Variants in ASCC3 observed in about 807,000 individuals in gnomAD.
ASCC3 encodes the protein activating signal cointegrator 1 complex subunit 3, also known as ASC-1 complex subunit P200.
In ASCC3, 158 loss-of-function variants were observed where a neutral mutation model predicts 256.3. The observed-to-expected ratio is 0.62, with a 90% CI of 0.54 to 0.70. The LOEUF (loss-of-function observed/expected upper bound fraction) is 0.70, where lower values mean the gene tolerates loss of function less well. Ranked by LOEUF, ASCC3 falls within the 30% of genes least tolerant of loss-of-function variation. The probability of loss-of-function intolerance (pLI) is 0.00; values close to 1 mark genes in which losing one functional copy is unlikely to be tolerated. For synonymous variants in ASCC3, 948 were observed against 883.4 expected, an observed-to-expected ratio of 1.07 and a Z score of -1.30; for missense variants, 2,259 against 2,626.0, an observed-to-expected ratio of 0.86 and a Z score of 3.05.
At chr6:100,637,110 G>A (rs1018664810) in intron 25 of ASCC3, among the ~76,000 whole-genome samples, 1 of 152,178 alleles carries the variant, frequency 6.6e-6, no homozygotes, top group East Asian at 1.9e-4. Flanking sequence ...GAGAGGAGAA[G>A]TCAATGCCTG....
At chr6:100,878,475 T>TA (rs545245980) in intron 1 of ASCC3, among the ~76,000 whole-genome samples, 14 of 150,844 alleles carry the variant, frequency 9.3e-5, no homozygotes, top group East Asian at 1.9e-4. Flanking sequence ...GGAAAACAAA[T>TA]AAAAAAAAAT....
chr6:100,847,775 T>A (rs546000027), intron 4 of ASCC3, among the ~76,000 whole-genome samples: 1 of 152,306 alleles, frequency 6.6e-6, no homozygotes, highest in South Asian at 2.1e-4. Context: ...AAGAACAAAC[T>A]GATTTCAAAG....
chr6:100,632,239 A>C (rs951660230), intron 25 of ASCC3, among the ~76,000 whole-genome samples: 1 of 151,618 alleles, frequency 6.6e-6, no homozygotes, highest in Non-Finnish European at 1.5e-5. Context: ...CAGAAAGAAT[A>C]AAGTACTTAG....
At chr6:100,681,744 A>G (rs1196322067) in intron 13 of ASCC3, among the ~76,000 whole-genome samples, 1 of 150,956 alleles carries the variant, frequency 6.6e-6, no homozygotes, top group Non-Finnish European at 1.5e-5. Flanking sequence ...AAAAAAAAAA[A>G]AAAGAAAAGA....
chr6:100,758,113 G>C (rs955409439), intron 10 of ASCC3, among the ~76,000 whole-genome samples: 3 of 152,058 alleles, frequency 2.0e-5, no homozygotes, highest in Non-Finnish European at 2.9e-5. Flanking sequence ...AAAAAGTCCA[G>C]GATGCAACTG....
rs75680076 is a variant in ASCC3 at position 100,868,215 on chromosome 6, A to C, written c.-41-177T>G. Reference sequence around the variant, plus strand: ...TCCATGAAGTTTTTTTGTTTTTAAAAAGCATTAGCTATGGTTGGAGAAAGG... The same window carrying C: ...TCCATGAAGTTTTTTTGTTTTTAAACAGCATTAGCTATGGTTGGAGAAAGG... On this transcript the variant is annotated intron_variant, in intron 1 of 41. Transcript: ENST00000369162. Among the ~76,000 whole-genome samples the C allele has an allele frequency of 7.9e-3, 1,209 of 152,328 alleles. 14 individuals are homozygous for C. The highest frequency in any genetic ancestry group is 0.028 in the African/African-American group (1,153 of 41,574).
rs1380220794 is a variant in ASCC3 at position 100,512,846 on chromosome 6, C to G, written c.6148G>C (p.Val2050Leu). 1.2e-6 allele frequency: 2 copies of G among 1,614,076 alleles called. No homozygotes were observed. The highest frequency in any genetic ancestry group is 4.5e-5 in the East Asian group (2 of 44,872). The change falls in exon 40 of 42, where the codon GTT (valine) becomes CTT (leucine). Residue 2050 changes from valine (V) to leucine (L), a missense_variant. Transcript: ENST00000369162. ...ISVKGSWDDL[V>L]EGHNELSVST... ...ACAGAGAGTTCATTATGTCCTTCAA[C>G]TAAGTCATCCCACGAGCCTTTAACA...
At chr6:100,840,454 A>G (rs1255599120) in intron 4 of ASCC3, among the ~76,000 whole-genome samples, 1 of 147,958 alleles carries the variant, frequency 6.8e-6, no homozygotes, top group African/African-American at 2.5e-5. Context: ...CAGCCTCCCA[A>G]GTAGCTGGGA....
At chr6:100,719,040 A>C (rs1779205908) in intron 11 of ASCC3, among the ~76,000 whole-genome samples, 1 of 152,108 alleles carries the variant, frequency 6.6e-6, no homozygotes, top group African/African-American at 2.4e-5. Context: ...AATAATATTA[A>C]TACTTTCAGA....
chr6:100,527,994 C>T (rs367905502), intron 37 of ASCC3, among the ~76,000 whole-genome samples: 1 of 151,788 alleles, frequency 6.6e-6, no homozygotes, highest in Non-Finnish European at 1.5e-5. Flanking sequence ...TGCCACCATG[C>T]CCAGCTAATT....
intron 3 of ASCC3, among the ~76,000 whole-genome samples, chr6:100,851,869 A>G (rs1772686434): frequency 6.6e-6 from 1 of 152,206 alleles, no homozygotes; most frequent in East Asian, 1.9e-4. Flanking sequence ...TCAGGGCGCT[A>G]AAACATCAGA....
chr6:100,682,866 T>A (rs1777378066), intron 13 of ASCC3, among the ~76,000 whole-genome samples: 1 of 152,190 alleles, frequency 6.6e-6, no homozygotes, highest in Non-Finnish European at 1.5e-5. Flanking sequence ...ACCTAGGGAC[T>A]ATTACATCTG....
chr6:100,616,782 ATTC>A (rs1207958869), intron 30 of ASCC3, among the ~76,000 whole-genome samples: 1 of 152,178 alleles, frequency 6.6e-6, no homozygotes, highest in East Asian at 1.9e-4. Flanking sequence ...TTGTTGTTGT[ATTC>A]TTCTTTTAGC....
Position 100,864,123 on chromosome 6 carries a change from C to G in ASCC3, c.182G>C (p.Ser61Thr), listed in dbSNP as rs370433063. The G allele has an allele frequency of 1.2e-6, 2 of 1,603,854 alleles. No individual in the cohort carries two copies. The highest frequency in any genetic ancestry group is 2.7e-5 in the African/African-American group (2 of 74,664). ...IKFLNEKLEK[S>T]KMQSINEDLK... is the part of the protein sequence containing the mutation. Reference sequence around the variant, plus strand: ...GTCTTCATTTATACTTTGCATTTTACTCTTCTCCAGTTTTTCATTCAAAAA... The same window carrying G: ...GTCTTCATTTATACTTTGCATTTTAGTCTTCTCCAGTTTTTCATTCAAAAA... The change falls in exon 3 of 42, where the codon AGT becomes ACT. Residue 61 changes from serine to threonine, a missense_variant. By Grantham distance (58) the Ser-to-Thr change is moderately conservative (BLOSUM62 1). Transcript: ENST00000369162.
intron 34 of ASCC3, among the ~76,000 whole-genome samples, chr6:100,590,486 CAG>C (rs1201150535): frequency 6.6e-6 from 1 of 152,108 alleles, no homozygotes; most frequent in Non-Finnish European, 1.5e-5. Flanking sequence ...TGCCTGGAAA[CAG>C]ATCCGAAGAG....
chr6:100,736,726 T>G (rs1780186974), intron 10 of ASCC3, among the ~76,000 whole-genome samples: 1 of 152,186 alleles, frequency 6.6e-6, no homozygotes, highest in Admixed American at 6.6e-5. Flanking sequence ...CAGATATCAT[T>G]TCCCTGAGAA....
chr6:100,652,960 T>A, intron 17 of ASCC3, 71 bp from the exon 18 acceptor site: 1 of 1,435,332 alleles, frequency 7.0e-7, no homozygotes, highest in African/African-American at 1.4e-5. Flanking sequence ...TATATTTATT[T>A]ATGGAAATTA....
intron 3 of ASCC3, chr6:100,858,735 T>G: frequency 1.1e-3 from 1,015 of 904,532 alleles, no homozygotes; most frequent in Non-Finnish European, 1.3e-3. Flanking sequence ...TATACTGCAG[T>G]ATGCTTCTCC....
intron 3 of ASCC3, among the ~76,000 whole-genome samples, chr6:100,849,035 G>A (rs1772530435): frequency 6.6e-6 from 1 of 152,138 alleles, no homozygotes; most frequent in Non-Finnish European, 1.5e-5. Context: ...GAGCCTGGAA[G>A]GTTGGGGCTG....
Sources: gnomAD v4.1 joint callset for allele counts (sites outside exome capture counted in the v4.1 genomes callset) on GRCh38, gnomAD v4.1.1 for gene constraint, MANE v1.5 for transcripts, NCBI Gene and HGNC (gene_info 2026-07-23, HGNC 2026-07-21) for gene names.